The following EPHA5 variants were observed in gnomAD, a reference collection of about 807,000 sequenced individuals.
EPHA5 encodes the protein EPH receptor A5.
In EPHA5, 60 loss-of-function variants were observed where a neutral mutation model predicts 105.0. The observed-to-expected ratio is 0.57, with a 90% CI of 0.46 to 0.71. The LOEUF is 0.71. Ranked by LOEUF, EPHA5 falls within the 30% of genes least tolerant of loss-of-function variation. The pLI, the probability that EPHA5 is intolerant of heterozygous loss-of-function variation, is 0.00. For missense variants in EPHA5, 1,218 were observed against 1,274.7 expected, an observed-to-expected ratio of 0.96 and a Z score of 0.68; for synonymous variants, 513 against 449.1, an observed-to-expected ratio of 1.14 and a Z score of -1.80.
At chr4:65,637,199 G>T (rs376973611) in intron 2 of EPHA5, among the ~76,000 whole-genome samples, 26 of 139,690 alleles carry the variant, frequency 1.9e-4, no homozygotes, top group African/African-American at 6.5e-4. Context: ...AGACTAAAAA[G>T]AAACCATGCC....
chr4:65,582,289 T>C (rs1357363575), intron 3 of EPHA5, among the ~76,000 whole-genome samples: 2 of 151,460 alleles, frequency 1.3e-5, no homozygotes, highest in East Asian at 3.9e-4. Context: ...GACAAGGGAG[T>C]AGGTATTTTT....
Position 65,670,360 on chromosome 4 carries a change from G to A in EPHA5, c.-618C>T, listed in dbSNP as rs143011737. On this transcript the variant is annotated 5_prime_UTR_variant, in exon 1 of 17. Transcript: ENST00000613740. ...GGGGAGGGACTGACGGCTGCCGGCC[G>A]GTAGGAGCGCGGAGCTGCGCTGCGG... The A allele has an allele frequency of 2.1e-5, 5 of 233,728 alleles. No homozygotes were observed. Among genetic ancestry groups the A allele is most frequent in the South Asian group, 1.8e-4 (1 of 5,538 alleles). The allele number at this position is 233,728 out of a possible 1,614,324, so 14.5% of individuals were successfully genotyped here.
At chr4:65,410,459 C>T (rs1298666997) in intron 7 of EPHA5, among the ~76,000 whole-genome samples, 1 of 152,138 alleles carries the variant, frequency 6.6e-6, no homozygotes, top group East Asian at 1.9e-4. Flanking sequence ...TAAAAAGCAA[C>T]ACAAGGGATC....
At chr4:65,438,247 T>C (rs531914371) in intron 5 of EPHA5, among the ~76,000 whole-genome samples, 1 of 151,948 alleles carries the variant, frequency 6.6e-6, no homozygotes, top group African/African-American at 2.4e-5. Context: ...AATAACAAAA[T>C]GTTCAATTGA....
chr4:65,507,474 C>T (rs62299212), intron 3 of EPHA5, among the ~76,000 whole-genome samples: 32,908 of 152,006 alleles, frequency 0.22, 3,861 homozygotes, highest in Middle Eastern at 0.33. Flanking sequence ...GCCATTTTCA[C>T]GATATTGATG....
intron 3 of EPHA5, among the ~76,000 whole-genome samples, chr4:65,509,683 A>G (rs1733410638): frequency 6.6e-6 from 1 of 152,194 alleles, no homozygotes; most frequent in Admixed American, 6.6e-5. Flanking sequence ...TTGCGACCCT[A>G]TGACAAAGCA....
intron 3 of EPHA5, among the ~76,000 whole-genome samples, chr4:65,579,586 T>C (rs981216028): frequency 1.3e-5 from 2 of 151,810 alleles, no homozygotes; most frequent in Non-Finnish European, 2.9e-5. Context: ...TAATTACTAG[T>C]TATTTCTCAT....
At chr4:65,605,531 A>G (rs1168920360) in intron 2 of EPHA5, among the ~76,000 whole-genome samples, 1 of 152,084 alleles carries the variant, frequency 6.6e-6, no homozygotes, top group African/African-American at 2.4e-5. Flanking sequence ...CTCTTACATT[A>G]TGTCCCCAAA....
chr4:65,567,453 C>T (rs1739668851), intron 3 of EPHA5, among the ~76,000 whole-genome samples: 1 of 151,404 alleles, frequency 6.6e-6, no homozygotes, highest in African/African-American at 2.4e-5. Context: ...CAGAATTTGG[C>T]TTTGTGAGTA....
intron 5 of EPHA5, among the ~76,000 whole-genome samples, chr4:65,451,605 A>T (rs1024106710): frequency 6.6e-6 from 1 of 152,182 alleles, no homozygotes; most frequent in Admixed American, 6.6e-5. Context: ...AAGCTGTTTT[A>T]TCAAAGTTAG....
chr4:65,487,181 G>A (rs144997346), intron 5 of EPHA5, among the ~76,000 whole-genome samples: 2 of 152,268 alleles, frequency 1.3e-5, no homozygotes, highest in African/African-American at 4.8e-5. Context: ...GGTATTTATA[G>A]CAGTGGAAAA....
intron 8 of EPHA5, among the ~76,000 whole-genome samples, chr4:65,397,282 T>C (rs1378352204): frequency 6.6e-6 from 1 of 152,174 alleles, no homozygotes; most frequent in East Asian, 1.9e-4. Context: ...TTCTCTCCAA[T>C]ACAGCTCCCC....
chr4:65,638,116 A>C (rs1250801442), intron 2 of EPHA5, among the ~76,000 whole-genome samples: 2 of 152,202 alleles, frequency 1.3e-5, no homozygotes, highest in Non-Finnish European at 2.9e-5. Flanking sequence ...AGTTAAGAAG[A>C]ATATTCTGAA....
intron 3 of EPHA5, among the ~76,000 whole-genome samples, chr4:65,573,281 GGT>G (rs1740405178): frequency 6.6e-6 from 1 of 151,464 alleles, no homozygotes; most frequent in Non-Finnish European, 1.5e-5. Flanking sequence ...CGTGGTGGCA[GGT>G]GCCTGTGGTC....
At chr4:65,431,304 A>G (rs767719789) in intron 5 of EPHA5, among the ~76,000 whole-genome samples, 2 of 152,190 alleles carry the variant, frequency 1.3e-5, no homozygotes, top group Non-Finnish European at 2.9e-5. Context: ...TAATACAGAT[A>G]GCCATAAATA....
At chr4:65,417,255 C>T (rs1723476663) in intron 6 of EPHA5, among the ~76,000 whole-genome samples, 1 of 152,228 alleles carries the variant, frequency 6.6e-6, no homozygotes, top group African/African-American at 2.4e-5. Context: ...CCCTGGAAAG[C>T]TCTGCCACCT....
intron 5 of EPHA5, among the ~76,000 whole-genome samples, chr4:65,445,521 C>G (rs113310530): frequency 0.011 from 1,642 of 152,110 alleles, 14 homozygotes; most frequent in Non-Finnish European, 0.016. Context: ...GCCAACAGGA[C>G]TGTGAGCATT....
chr4:65,494,297 A>G (rs1305409921), intron 4 of EPHA5, among the ~76,000 whole-genome samples: 1 of 152,218 alleles, frequency 6.6e-6, no homozygotes, highest in African/African-American at 2.4e-5. Flanking sequence ...ATTTGTGATT[A>G]TTTGATAACA....
intron 3 of EPHA5, among the ~76,000 whole-genome samples, chr4:65,569,904 A>G (rs960703883): frequency 6.6e-6 from 1 of 151,734 alleles, no homozygotes; most frequent in Non-Finnish European, 1.5e-5. Context: ...ATATTTGACA[A>G]AAGTTTGAAA....
Sources: allele counts gnomAD v4.1 joint callset (sites outside exome capture counted in the v4.1 genomes callset), GRCh38; gene constraint gnomAD v4.1.1; transcripts MANE v1.5; gene names NCBI Gene and HGNC (gene_info 2026-07-23, HGNC 2026-07-21).